The following INPP4A variants were observed in gnomAD, a reference collection of about 807,000 sequenced individuals.
The protein encoded by INPP4A is inositol polyphosphate-4-phosphatase, type I, 107kD.
In INPP4A, 33 loss-of-function variants were observed where a neutral mutation model predicts 119.8. That is an observed-to-expected ratio of 0.28 (90% CI 0.21 to 0.37). INPP4A has a LOEUF of 0.37. INPP4A is among the 10% of genes least tolerant of loss of function. The pLI is 1.00. For synonymous variants in INPP4A, 496 were observed against 500.7 expected, an observed-to-expected ratio of 0.99 and a Z score of 0.12; for missense variants, 956 against 1,289.9, an observed-to-expected ratio of 0.74 and a Z score of 3.97.
At chr2:98,484,382 C>G (rs1047221634) in intron 1 of INPP4A, among the ~76,000 whole-genome samples, 1 of 152,156 alleles carries the variant, frequency 6.6e-6, no homozygotes, top group South Asian at 2.1e-4. Context: ...TCTTTGTTTC[C>G]CATGATCCTG....
intron 1 of INPP4A, among the ~76,000 whole-genome samples, chr2:98,505,994 A>G (rs1421766639): frequency 4.6e-5 from 7 of 152,174 alleles, no homozygotes; most frequent in Non-Finnish European, 1.0e-4. Context: ...ATTTCAGCTT[A>G]ATTTAAGAAA....
Position 98,495,816 on chromosome 2 carries a change from G to A in INPP4A, c.-165-23148G>A, listed in dbSNP as rs570164690. Among the ~76,000 whole-genome samples the A allele has an allele frequency of 5.9e-5, 9 of 151,680 alleles. No individual in the cohort carries two copies. The East Asian group carries it at 1.4e-3, about 23-fold the overall frequency. Reference sequence around the variant, plus strand: ...TAGAGCTCTTATACGACCTAAAATCGTGCCAGACTCTTAGTTAATTCTCTC... The same window carrying A: ...TAGAGCTCTTATACGACCTAAAATCATGCCAGACTCTTAGTTAATTCTCTC... On this transcript the variant is annotated intron_variant, in intron 1 of 24. Coordinates refer to ENST00000409851, the MANE Select transcript of INPP4A (RefSeq NM_001134225.2).
chr2:98,458,836 G>A (rs145194665), intron 1 of INPP4A, among the ~76,000 whole-genome samples: 15 of 152,268 alleles, frequency 9.9e-5, no homozygotes, highest in Non-Finnish European at 1.9e-4. Flanking sequence ...GACCTTAAGC[G>A]GGTAGGCAGC....
chr2:98,578,179 G>A (rs1698739922), intron 24 of INPP4A, among the ~76,000 whole-genome samples: 1 of 152,146 alleles, frequency 6.6e-6, no homozygotes. Context: ...TCAAAGACCG[G>A]TGCTCTGGGG....
chr2:98,493,425 TA>T (rs1279145783), intron 1 of INPP4A, among the ~76,000 whole-genome samples: 26 of 122,190 alleles, frequency 2.1e-4, no homozygotes, highest in African/African-American at 6.9e-4. Context: ...TTTCTATTTC[TA>T]TTTTTTTTTT....
chr2:98,474,125 T>C (rs1676721957), intron 1 of INPP4A, among the ~76,000 whole-genome samples: 1 of 152,192 alleles, frequency 6.6e-6, no homozygotes, highest in African/African-American at 2.4e-5. Flanking sequence ...TTTGGAAAGC[T>C]GTATATGCAG....
intron 1 of INPP4A, among the ~76,000 whole-genome samples, chr2:98,452,242 G>C (rs549274230): frequency 3.2e-4 from 49 of 152,206 alleles, no homozygotes; most frequent in Non-Finnish European, 6.5e-4. Context: ...ATGAGGCTGT[G>C]AGAGTGCTGT....
intron 1 of INPP4A, among the ~76,000 whole-genome samples, chr2:98,486,951 A>T (rs1679673249): frequency 6.6e-6 from 1 of 152,268 alleles, no homozygotes; most frequent in Non-Finnish European, 1.5e-5. Flanking sequence ...TGGAGATATA[A>T]AATGTGGCTT....
At chr2:98,537,398 T>G (rs1455282884) in intron 7 of INPP4A, among the ~76,000 whole-genome samples, 1 of 152,226 alleles carries the variant, frequency 6.6e-6, no homozygotes, top group Non-Finnish European at 1.5e-5. Context: ...CCTGGCTGGA[T>G]TCCATTACTT....
intron 13 of INPP4A, chr2:98,552,563 A>G (rs1253144977): frequency 2.9e-6 from 2 of 679,352 alleles, no homozygotes; most frequent in Non-Finnish European, 2.7e-6. Context: ...GCAAATACAG[A>G]TAAAAGACTG....
At chr2:98,474,982 TG>T (rs1313883868) in intron 1 of INPP4A, among the ~76,000 whole-genome samples, 1 of 152,120 alleles carries the variant, frequency 6.6e-6, no homozygotes, top group Admixed American at 6.5e-5. Flanking sequence ...GGGTGTACAC[TG>T]TATCAGAAGT....
In INPP4A at chr2:98,569,003, G is replaced by A. The variant is rs1034596485; in HGVS notation, c.2518+335G>A. ...AATCACAGAGGCAGGACCCACCCTCGGCCAGGTGAGCGGCCCACTCACTTC... is the reference window on the plus strand; with the variant it reads ...AATCACAGAGGCAGGACCCACCCTCAGCCAGGTGAGCGGCCCACTCACTTC... On this transcript the variant is annotated intron_variant, in intron 22 of 24. Transcript: ENST00000409851. The surrounding 1 kb of genome is among the most constrained non-coding windows in gnomAD (Gnocchi z 5.1). 7 of 213,214 alleles carry A rather than the reference G, an allele frequency of 3.3e-5. No homozygotes were observed. The highest frequency in any genetic ancestry group is 5.7e-5 in the Non-Finnish European group (6 of 105,042). The allele number at this position is 213,214 out of a possible 1,614,324, so 13.2% of individuals were successfully genotyped here.
intron 1 of INPP4A, among the ~76,000 whole-genome samples, chr2:98,483,347 T>C (rs1410665948): frequency 6.6e-6 from 1 of 152,246 alleles, no homozygotes; most frequent in East Asian, 1.9e-4. Context: ...GAAGCAAGCA[T>C]TGCTTAGTTT....
At chr2:98,532,047 G>A (rs1047829527) in intron 4 of INPP4A, among the ~76,000 whole-genome samples, 6 of 152,212 alleles carry the variant, frequency 3.9e-5, no homozygotes, top group African/African-American at 7.2e-5. Flanking sequence ...AGAGCAGATC[G>A]AGCTGTGAAC....
At chr2:98,449,745 C>T (rs921556316) in intron 1 of INPP4A, among the ~76,000 whole-genome samples, 1 of 152,220 alleles carries the variant, frequency 6.6e-6, no homozygotes, top group African/African-American at 2.4e-5. Flanking sequence ...TCACATTACA[C>T]AAAATTTTCT....
chr2:98,450,165 G>C (rs1694973607), intron 1 of INPP4A, among the ~76,000 whole-genome samples: 1 of 152,046 alleles, frequency 6.6e-6, no homozygotes, highest in Admixed American at 6.6e-5. Flanking sequence ...TGCATGCCAG[G>C]CCTCCCTGGA....
At chr2:98,568,734 C>A in intron 22 of INPP4A, 66 bp downstream of exon 22, 1 of 885,310 alleles carries the variant, frequency 1.1e-6, no homozygotes, top group Non-Finnish European at 1.9e-6. Context: ...GATGTCTGAG[C>A]TCTGGCTTGC....
intron 22 of INPP4A, among the ~76,000 whole-genome samples, 167 bp from the exon 23 acceptor site, chr2:98,572,648 A>C (rs1252118902): frequency 6.6e-6 from 1 of 152,170 alleles, no homozygotes; most frequent in East Asian, 1.9e-4. Flanking sequence ...TTAAGTGCTC[A>C]CCACACCAGC....
chr2:98,504,148 G>C (rs1683624247), intron 1 of INPP4A, among the ~76,000 whole-genome samples: 1 of 152,166 alleles, frequency 6.6e-6, no homozygotes, highest in Non-Finnish European at 1.5e-5. Context: ...TGCCAGTGGG[G>C]GTCCTCCCTC....
Sources: gnomAD v4.1 joint callset for allele counts (sites outside exome capture counted in the v4.1 genomes callset) on GRCh38, gnomAD v4.1.1 for gene constraint, Gnocchi (gnomAD v3.1) non-coding constraint, MANE v1.5 for transcripts, NCBI Gene and HGNC (gene_info 2026-07-23, HGNC 2026-07-21) for gene names.